Variants in RNF213 observed in about 807,000 individuals in gnomAD.
RNF213 encodes the protein E3 ubiquitin-protein ligase RNF213.
RNF213 carries 341 observed loss-of-function variants against 514.4 expected under a neutral mutation model. The observed-to-expected ratio is 0.66, with a 90% CI of 0.61 to 0.73. The LOEUF is 0.73. Ranked by LOEUF, RNF213 falls within the 30% of genes least tolerant of loss-of-function variation. The probability of loss-of-function intolerance (pLI) is 0.00; values close to 1 mark genes in which losing one functional copy is unlikely to be tolerated. For synonymous variants in RNF213, 2,655 were observed against 2,658.2 expected, an observed-to-expected ratio of 1.00 and a Z score of 0.04; for missense variants, 5,767 against 6,615.6, an observed-to-expected ratio of 0.87 and a Z score of 4.45.
chr17:80,383,975 C>T, intron 59 of RNF213, 47 bp downstream of exon 59: 1 of 1,612,238 alleles, frequency 6.2e-7, no homozygotes, highest in South Asian at 1.1e-5. Context: ...GTGCAGAGTT[C>T]CCCAGCAGGC....
chr17:80,371,228 A>T (rs2079505514), intron 46 of RNF213, among the ~76,000 whole-genome samples: 2 of 152,234 alleles, frequency 1.3e-5, no homozygotes, highest in South Asian at 4.1e-4. Flanking sequence ...ATTGCAACTA[A>T]CCTCTAGACA....
intron 29 of RNF213, among the ~76,000 whole-genome samples, chr17:80,349,328 C>T (rs570194288): frequency 2.1e-4 from 32 of 152,264 alleles, no homozygotes; most frequent in Middle Eastern, 3.4e-3. Flanking sequence ...AGGAACGTTT[C>T]GACTTGCACT....
chr17:80,345,220 G>C lies in RNF213; in HGVS notation c.6885G>C (p.Arg2295=). The stretch of plus-strand genomic sequence containing the variant: ...AAGATCTAGCGCCCTTCTCCCTCCG[G>C]AAGAGGTGGGAGTCGGAGCCTCACC... ...REEDLAPFSL[R]KRWESEPHPY... Residue 2295 remains arginine (R), a synonymous_variant, in exon 29 of 68, where the codon CGG becomes CGC. Transcript: ENST00000582970. The surrounding 1 kb of genome is among the most constrained non-coding windows in gnomAD (Gnocchi z 6.0). 6.2e-7 allele frequency: 1 copy of C among 1,614,128 alleles called. No homozygotes were observed.
Position 80,343,952 on chromosome 17 carries a change from T to C in RNF213, c.6279T>C (p.His2093=). Residue 2093 remains histidine, a synonymous_variant, in exon 28 of 68, where the codon CAT becomes CAC. Coordinates refer to ENST00000582970, the MANE Select transcript of RNF213 (RefSeq NM_001256071.3). The surrounding 1 kb of genome is among the most constrained non-coding windows in gnomAD (Gnocchi z 4.3). ...AAATGTGGCTTCGGAACCCCTGCCA[T>C]TTGTATATCGTTGAAATCCTGGAAA... ...NGKMWLRNPC[H]LYIVEILERR... 6.2e-7 allele frequency: 1 copy of C among 1,614,172 alleles called. No homozygotes were observed. The highest frequency in any genetic ancestry group is 8.5e-7 in the Non-Finnish European group (1 of 1,180,006).
chr17:80,374,210 G>C (rs1323895357), intron 49 of RNF213, among the ~76,000 whole-genome samples: 1 of 152,226 alleles, frequency 6.6e-6, no homozygotes, highest in Non-Finnish European at 1.5e-5. Context: ...AACGGAGGAA[G>C]CAAGCACCTC....
At chr17:80,328,810 T>C (rs150554775) in intron 20 of RNF213, among the ~76,000 whole-genome samples, 2 of 152,276 alleles carry the variant, frequency 1.3e-5, no homozygotes, top group African/African-American at 4.8e-5. Flanking sequence ...TCCTGTTGCT[T>C]CCTGTTTTCT....
In RNF213 at chr17:80,353,123, C is replaced by T. The variant is rs1261602360; in HGVS notation, c.10423+64C>T. 8.1e-6 allele frequency: 13 copies of T among 1,599,186 alleles called. No homozygotes were observed. The highest frequency in any genetic ancestry group is 2.7e-5 in the African/African-American group (2 of 74,880). ...GGAAGGGCAGATGGCAGGTGTGGAG[C>T]GTGGCGTGCACATGGCACTAGGAGC... On this transcript the variant is annotated intron_variant, in intron 33 of 67. Coordinates refer to ENST00000582970, the MANE Select transcript of RNF213 (RefSeq NM_001256071.3). The surrounding 1 kb of genome is among the most constrained non-coding windows in gnomAD (Gnocchi z 5.0).
At chr17:80,364,920 A>G (rs1381538237) in intron 42 of RNF213, 7 of 329,978 alleles carry the variant, frequency 2.1e-5, no homozygotes, top group African/African-American at 8.6e-5. Flanking sequence ...TACCATTTTC[A>G]TAGTCATGGA....
At position 80,288,762 on chromosome 17, in the gene RNF213, C is replaced by A; in HGVS notation, c.933+7C>A. The A allele has an allele frequency of 6.2e-7, 1 of 1,614,108 alleles. No homozygotes were observed. Among genetic ancestry groups the A allele is most frequent in the Non-Finnish European group, 8.5e-7 (1 of 1,180,044 alleles). On this transcript the variant is annotated splice_region_variant and intron_variant, in intron 5 of 67. Coordinates refer to ENST00000582970, the MANE Select transcript of RNF213 (RefSeq NM_001256071.3). This position sits in a 1 kb window ranked among gnomAD's most constrained non-coding sequence, Gnocchi z 4.9. ...TTTCAAAACACACTGCCAGGTGCGT[C>A]TCCTTCCTGCCTGCCGGCTCCAGGA...
chr17:80,374,433 C>A, intron 49 of RNF213, 25 bp from the exon 50 acceptor site: 1 of 1,613,854 alleles, frequency 6.2e-7, no homozygotes, highest in Non-Finnish European at 8.5e-7. Context: ...CCATTGTTCA[C>A]CCCCAACTAA....
Position 80,264,868 on chromosome 17 carries a change from G to A in RNF213, c.97+1090G>A, listed in dbSNP as rs534120881. Among the ~76,000 whole-genome samples the A allele has an allele frequency of 6.6e-6, 1 of 151,988 alleles. No individual in the cohort carries two copies. Among genetic ancestry groups the A allele is most frequent in the African/African-American group, 2.4e-5 (1 of 41,442 alleles). On this transcript the variant is annotated intron_variant, in intron 2 of 67. Coordinates refer to ENST00000582970, the MANE Select transcript of RNF213 (RefSeq NM_001256071.3). This position sits in a 1 kb window ranked among gnomAD's most constrained non-coding sequence, Gnocchi z 5.0. ...CTGTCCCCAGAGCCCACCACCTTCT[G>A]GCCCTTCCTGGATACACCAGGTGTG...
intron 11 of RNF213, among the ~76,000 whole-genome samples, chr17:80,305,184 C>CTTTTTTTTTTTTTTTTTTTT (rs71163950): frequency 7.8e-6 from 1 of 127,464 alleles, no homozygotes; most frequent in African/African-American, 3.5e-5. Context: ...CAGCAGTGAA[C>CTTTTTTTTTTTTTTTTTTTT]TTTTTTTTTT....
rs202087583 is a variant in RNF213 at position 80,317,308 on chromosome 17, G to A, written c.2901+31G>A. On this transcript the variant is annotated intron_variant, in intron 16 of 67. Coordinates refer to ENST00000582970, the MANE Select transcript of RNF213 (RefSeq NM_001256071.3). This position sits in a 1 kb window ranked among gnomAD's most constrained non-coding sequence, Gnocchi z 4.1. ...AAAAGTTTGGGGGCAGTCTTTTCAG[G>A]GCGTGAAGGCAAGCTGGAGAACCCC... The A allele has an allele frequency of 1.3e-6, 2 of 1,597,446 alleles. No homozygotes were observed. Among genetic ancestry groups the A allele is most frequent in the East Asian group, 2.2e-5 (1 of 44,522 alleles).
chr17:80,367,885 T>G (rs943440589), intron 43 of RNF213, 37 bp downstream of exon 43: 1 of 1,613,680 alleles, frequency 6.2e-7, no homozygotes. Context: ...AGGCGAGAAT[T>G]CTGAACCTCT....
chr17:80,325,268 A>C (rs2046250109), intron 18 of RNF213, 70 bp downstream of exon 18: 1 of 1,423,410 alleles, frequency 7.0e-7, no homozygotes, highest in Non-Finnish European at 9.4e-7. Flanking sequence ...GAAAGGTGGG[A>C]GGCAGAAGAT....
chr17:80,385,402 C>A, intron 60 of RNF213, 136 bp from the exon 61 acceptor site: 1 of 910,176 alleles, frequency 1.1e-6, no homozygotes. Context: ...CTCACTCCTT[C>A]AAACAGCACC....
chr17:80,291,564 G>C lies in RNF213; in HGVS notation c.1272-64G>C, dbSNP rs531937100. The C allele has an allele frequency of 1.5e-4, 223 of 1,514,868 alleles. 2 individuals carry two copies. The South Asian group carries it at 2.5e-3, about 17-fold the overall frequency. The allele number at this position is 1,514,868 out of a possible 1,614,324, so 93.8% of individuals were successfully genotyped here. A position where few individuals can be genotyped will look rare whatever the true frequency, so the allele number is the denominator to read the frequency against. ...TAGCTTTGCACTCCATGCTACGTTT[G>C]AGAATAACTAAAATTTCCGGGGTAG... On this transcript the variant is annotated intron_variant, in intron 7 of 67. Coordinates refer to ENST00000582970, the MANE Select transcript of RNF213 (RefSeq NM_001256071.3).
rs559402706 is a variant in RNF213 at position 80,344,014 on chromosome 17, T to C, written c.6341T>C (p.Leu2114Pro). The C allele has an allele frequency of 1.5e-5, 24 of 1,614,158 alleles. No homozygotes were observed. In the East Asian group the frequency reaches 5.1e-4, roughly 34 times the overall value. Residue 2114 changes from leucine (L) to proline (P), a missense_variant and splice_region_variant, in exon 28 of 68, where the codon CTG (leucine) becomes CCG (proline). This residue lies in a region of RNF213 where 1,377 missense variants were observed against 1,635.2 expected (regional missense o/e 0.84). Transcript: ENST00000582970. ...GTGCCGTCGAGGAGCTCTTCAGCGCTGGTCTGTACTGTGGGGCGTTTTCGC... is the reference window on the plus strand; with the variant it reads ...GTGCCGTCGAGGAGCTCTTCAGCGCCGGTCTGTACTGTGGGGCGTTTTCGC... ...TSVPSRSSSA[L>P]RTRVPQFSFL...
chr17:80,292,652 C>T lies in RNF213; in HGVS notation c.1471+825C>T, dbSNP rs944650744. 1.2e-4 allele frequency among the ~76,000 whole-genome samples: 18 copies of T among 152,044 alleles called. 1 individual carries two copies. The South Asian group carries it at 2.1e-3, about 18-fold the overall frequency. ...GCTTCCCTTCTCGCAGAGCCCTCTGCGCCCCTTCATGCCTCTCTCGGGGGT... is the reference window on the plus strand; with the variant it reads ...GCTTCCCTTCTCGCAGAGCCCTCTGTGCCCCTTCATGCCTCTCTCGGGGGT... On this transcript the variant is annotated intron_variant, in intron 8 of 67. Transcript: ENST00000582970.
Sources: gnomAD v4.1 joint callset for allele counts (sites outside exome capture counted in the v4.1 genomes callset) on GRCh38, gnomAD v4.1.1 for gene constraint, gnomAD v4.1.1 regional missense constraint, Gnocchi (gnomAD v3.1) non-coding constraint, MANE v1.5 for transcripts, NCBI Gene and HGNC (gene_info 2026-07-23, HGNC 2026-07-21) for gene names.